IQGAP2: variants seen among roughly 807,000 people sequenced by gnomAD.
The protein encoded by IQGAP2 is ras GTPase-activating-like protein IQGAP2.
Under a neutral mutation model 201.3 loss-of-function variants are expected in IQGAP2, and 173 were observed. The observed-to-expected ratio is 0.86, with a 90% CI of 0.76 to 0.98. The LOEUF is 0.98. IQGAP2 is among the 50% of genes least tolerant of loss of function. The pLI, the probability that IQGAP2 is intolerant of heterozygous loss-of-function variation, is 0.00. For missense variants in IQGAP2, 1,687 were observed against 1,864.8 expected (o/e 0.90, Z 1.76); for synonymous variants, 675 against 673.9 (o/e 1.00, Z -0.03).
chr5:76,436,914 TAC>T (rs754902541), intron 1 of IQGAP2, among the ~76,000 whole-genome samples: 89 of 151,872 alleles, frequency 5.9e-4, no homozygotes, highest in South Asian at 4.1e-4. Context: ...ATGTTATACA[TAC>T]ATACATACAA....
rs370952360 is a variant in IQGAP2, at chr5:76,669,183, C to T, written c.2843+339C>T. Reference sequence around the variant, plus strand: ...AACAGGTGGGAATGCAGAGTGCAATCTCTGCCTAAATAGTCTTCCCTTCTT... The same window carrying T: ...AACAGGTGGGAATGCAGAGTGCAATTTCTGCCTAAATAGTCTTCCCTTCTT... On this transcript the variant is annotated intron_variant, in intron 23 of 35. Transcript: ENST00000274364. Among the ~76,000 whole-genome samples the T allele has an allele frequency of 1.1e-4, 17 of 152,312 alleles. No individual in the cohort carries two copies. In the East Asian group the frequency reaches 2.3e-3, roughly 21 times the overall value.
intron 5 of IQGAP2, among the ~76,000 whole-genome samples, chr5:76,580,128 T>C (rs184417254): frequency 1.3e-4 from 20 of 151,884 alleles, no homozygotes; most frequent in African/African-American, 4.8e-4. Flanking sequence ...ATACAAAAAT[T>C]AGCCAGGTGT....
chr5:76,462,697 A>G (rs1298192738), intron 2 of IQGAP2, among the ~76,000 whole-genome samples: 2 of 152,202 alleles, frequency 1.3e-5, no homozygotes, highest in African/African-American at 2.4e-5. Context: ...ATGAATGGCT[A>G]TCTACAGAAC....
At position 76,582,635 on chromosome 5, in the gene IQGAP2, C is replaced by T. The variant is rs182485188; in HGVS notation, c.459-6271C>T. ...TGCCTTTTAAGTTTGCATTTCATTA[C>T]GATAGTACCTTTTAGTGTATATCCT... On this transcript the variant is annotated intron_variant, in intron 5 of 35. Coordinates refer to ENST00000274364, the MANE Select transcript of IQGAP2 (RefSeq NM_006633.5). 1.3e-3 allele frequency among the ~76,000 whole-genome samples: 198 copies of T among 152,212 alleles called. 1 individual carries two copies. Among genetic ancestry groups the T allele is most frequent in the African/African-American group, 4.5e-3 (189 of 41,550 alleles).
chr5:76,615,803 A>G (rs369823004), intron 13 of IQGAP2: 3 of 152,646 alleles, frequency 2.0e-5, no homozygotes, highest in African/African-American at 7.2e-5. Context: ...AGCTATGTCT[A>G]AGAAAAAAAA....
At chr5:76,417,007 T>A (rs1045283409) in intron 1 of IQGAP2, among the ~76,000 whole-genome samples, 30 of 152,130 alleles carry the variant, frequency 2.0e-4, no homozygotes, top group African/African-American at 6.7e-4. Flanking sequence ...TAAAAAAAAT[T>A]TTTTTTTGTA....
intron 1 of IQGAP2, among the ~76,000 whole-genome samples, chr5:76,423,143 T>C (rs1288633431): frequency 6.6e-6 from 1 of 152,192 alleles, no homozygotes; most frequent in East Asian, 1.9e-4. Flanking sequence ...CTATAAAAAA[T>C]TACCACTAAT....
chr5:76,496,789 CTTTCTCTT>C (rs1325348925), intron 2 of IQGAP2, among the ~76,000 whole-genome samples: 17 of 101,044 alleles, frequency 1.7e-4, no homozygotes, highest in African/African-American at 2.3e-4. Flanking sequence ...TTCTTTCTTT[CTTTCTCTT>C]TCTTTCTTTC....
chr5:76,623,979 T>C (rs1454563323), intron 13 of IQGAP2, among the ~76,000 whole-genome samples: 1 of 139,550 alleles, frequency 7.2e-6, no homozygotes, highest in Non-Finnish European at 1.5e-5. Flanking sequence ...TTTTGAGCCA[T>C]TCAATAACCC....
chr5:76,656,865 T>C (rs552056548), intron 20 of IQGAP2, among the ~76,000 whole-genome samples: 2 of 151,354 alleles, frequency 1.3e-5, no homozygotes, highest in East Asian at 3.9e-4. Flanking sequence ...TCAGCATCTT[T>C]AGAAAACTAA....
chr5:76,670,328 G>C (rs1744194445), intron 23 of IQGAP2, among the ~76,000 whole-genome samples: 1 of 152,098 alleles, frequency 6.6e-6, no homozygotes, highest in African/African-American at 2.4e-5. Flanking sequence ...GGCTAACATG[G>C]TGAAACCCCA....
intron 22 of IQGAP2, among the ~76,000 whole-genome samples, chr5:76,667,877 C>CTTTTTTTTTTTTTTTTT (rs540744402): frequency 1.1e-4 from 14 of 123,422 alleles, no homozygotes; most frequent in African/African-American, 3.8e-4. Flanking sequence ...AGTCCACTTT[C>CTTTTTTTTTTTTTTTTT]TTTTTTTTTT....
At chr5:76,647,129 G>T (rs1255452476) in intron 17 of IQGAP2, among the ~76,000 whole-genome samples, 4 of 151,918 alleles carry the variant, frequency 2.6e-5, no homozygotes, top group Admixed American at 2.6e-4. Flanking sequence ...TCTGCTTCTG[G>T]GGAAATGGAA....
chr5:76,700,425 C>G (rs988564362), intron 33 of IQGAP2, among the ~76,000 whole-genome samples: 2 of 152,072 alleles, frequency 1.3e-5, no homozygotes, highest in African/African-American at 4.8e-5. Context: ...TCACTTGAAC[C>G]CGGGAGGCAG....
chr5:76,677,130 T>C lies in IQGAP2; in HGVS notation c.3528-88T>C, dbSNP rs562848545. On this transcript the variant is annotated intron_variant, in intron 27 of 35. Transcript: ENST00000274364. ...GTTTGAGATGGGAACAAAGTACATG[T>C]CATCATTCAAAATTTCCTAGCTATT... The C allele has an allele frequency of 2.3e-6, 3 of 1,298,240 alleles. No homozygotes were observed. The South Asian group carries it at 4.1e-5, about 18-fold the overall frequency. 80.4% of individuals were successfully genotyped at this position (1,298,240 alleles called of 1,614,324 possible).
At chr5:76,648,603 G>A (rs1209458028) in intron 17 of IQGAP2, among the ~76,000 whole-genome samples, 3 of 152,132 alleles carry the variant, frequency 2.0e-5, no homozygotes, top group Admixed American at 6.5e-5. Flanking sequence ...GATTTTTAAA[G>A]CAGCTATCAT....
intron 2 of IQGAP2, among the ~76,000 whole-genome samples, chr5:76,544,579 G>A (rs1317507884): frequency 6.6e-6 from 1 of 152,238 alleles, no homozygotes; most frequent in Non-Finnish European, 1.5e-5. Context: ...AGCTTAGAGA[G>A]AACTTGGTCA....
intron 1 of IQGAP2, among the ~76,000 whole-genome samples, chr5:76,438,348 C>T (rs1348357587): frequency 6.6e-6 from 1 of 152,060 alleles, no homozygotes; most frequent in African/African-American, 2.4e-5. Flanking sequence ...CATCCATTTC[C>T]TCTAGATTTT....
chr5:76,640,896 T>C (rs778904281), intron 16 of IQGAP2, 37 bp from the exon 17 acceptor site: 2 of 1,460,118 alleles, frequency 1.4e-6, no homozygotes, highest in South Asian at 1.3e-5. Context: ...TTTCAGCTGA[T>C]GTGTGAAGTG....
Sources: allele counts gnomAD v4.1 joint callset (sites outside exome capture counted in the v4.1 genomes callset), GRCh38; gene constraint gnomAD v4.1.1; transcripts MANE v1.5; gene names NCBI Gene and HGNC (gene_info 2026-07-23, HGNC 2026-07-21).